The following GNAQ variants were observed in gnomAD, a reference collection of about 807,000 sequenced individuals.
GNAQ encodes guanine nucleotide-binding protein G(q) subunit alpha.
Under a neutral mutation model 43.9 loss-of-function variants are expected in GNAQ, and 8 were observed. The ratio of observed to expected loss-of-function variants is 0.18; its 90% CI spans 0.11 to 0.33. The LOEUF (loss-of-function observed/expected upper bound fraction) is 0.33. GNAQ is among the 10% of genes least tolerant of loss of function. GNAQ has a pLI of 1.00. For missense variants in GNAQ, 158 were observed against 450.8 expected (o/e 0.35, Z 5.88); for synonymous variants, 155 against 170.7 (o/e 0.91, Z 0.71).
At chr9:77,950,254 T>TG in intron 1 of GNAQ, among the ~76,000 whole-genome samples, 1 of 152,338 alleles carries the variant, frequency 6.6e-6, no homozygotes, top group East Asian at 1.9e-4. Context: ...ATCTCCCATT[T>TG]GGGGGAAGTA....
chr9:77,879,042 T>C (rs1828170673), intron 2 of GNAQ, among the ~76,000 whole-genome samples: 1 of 150,942 alleles, frequency 6.6e-6, no homozygotes, highest in Non-Finnish European at 1.5e-5. Flanking sequence ...CAAGACTGTG[T>C]CTCAAAAAAA....
At chr9:77,955,553 A>C (rs1176329022) in intron 1 of GNAQ, among the ~76,000 whole-genome samples, 1 of 152,232 alleles carries the variant, frequency 6.6e-6, no homozygotes, top group Non-Finnish European at 1.5e-5. Context: ...TATGCGAAAC[A>C]AATCTATTAA....
At chr9:77,855,287 A>G (rs1244163050) in intron 2 of GNAQ, among the ~76,000 whole-genome samples, 1 of 152,218 alleles carries the variant, frequency 6.6e-6, no homozygotes, top group East Asian at 1.9e-4. Context: ...GGATATAAAT[A>G]AATTAAAAGA....
chr9:78,012,862 G>A (rs193148842), intron 1 of GNAQ, among the ~76,000 whole-genome samples: 39 of 152,276 alleles, frequency 2.6e-4, no homozygotes, highest in South Asian at 1.0e-3. Context: ...AGGGCTAAGA[G>A]TTTTAGAAAG....
rs1027549067 is a variant in GNAQ, at chr9:77,993,102, G to A, written c.136+37998C>T. On this transcript the variant is annotated intron_variant, in intron 1 of 6. Coordinates refer to ENST00000286548, the MANE Select transcript of GNAQ (RefSeq NM_002072.5). Reference sequence around the variant, plus strand: ...GGTAACCTTATATATAAAACACAGCGCCTTTGTTTTGGATTAGAAACTAAT... The same window carrying A: ...GGTAACCTTATATATAAAACACAGCACCTTTGTTTTGGATTAGAAACTAAT... 1.3e-4 allele frequency among the ~76,000 whole-genome samples: 20 copies of A among 152,114 alleles called. 1 individual carries two copies. In the East Asian group the frequency reaches 2.1e-3, roughly 16 times the overall value.
At chr9:77,905,926 G>A (rs1200634275) in intron 2 of GNAQ, among the ~76,000 whole-genome samples, 1 of 152,152 alleles carries the variant, frequency 6.6e-6, no homozygotes, top group African/African-American at 2.4e-5. Flanking sequence ...ACTGGGAGCT[G>A]TCAGGGGGTG....
chr9:77,772,059 C>G (rs1488542722), intron 5 of GNAQ, among the ~76,000 whole-genome samples: 1 of 152,088 alleles, frequency 6.6e-6, no homozygotes, highest in Non-Finnish European at 1.5e-5. Flanking sequence ...CCATTGACAA[C>G]AGTAGTTTAC....
At chr9:77,780,020 A>T (rs1309435186) in intron 5 of GNAQ, among the ~76,000 whole-genome samples, 1 of 151,974 alleles carries the variant, frequency 6.6e-6, no homozygotes, top group Non-Finnish European at 1.5e-5. Flanking sequence ...TAATAATCAT[A>T]CATATTTATG....
chr9:77,902,128 A>G (rs1159387432), intron 2 of GNAQ, among the ~76,000 whole-genome samples: 1 of 152,242 alleles, frequency 6.6e-6, no homozygotes, highest in Non-Finnish European at 1.5e-5. Context: ...AAATAGGGTT[A>G]CTAATGCCTC....
At chr9:77,827,622 A>T (rs1226842464) in intron 2 of GNAQ, among the ~76,000 whole-genome samples, 1 of 151,952 alleles carries the variant, frequency 6.6e-6, no homozygotes, top group Non-Finnish European at 1.5e-5. Context: ...AGCAAAGATA[A>T]CCTCTTACTA....
At chr9:77,904,252 T>C (rs939347971) in intron 2 of GNAQ, among the ~76,000 whole-genome samples, 23 of 150,180 alleles carry the variant, frequency 1.5e-4, no homozygotes, top group Non-Finnish European at 3.0e-4. Context: ...CTGTGGAAAC[T>C]GTAAATAATC....
chr9:78,026,688 A>T (rs769908135), intron 1 of GNAQ, among the ~76,000 whole-genome samples: 3 of 152,158 alleles, frequency 2.0e-5, no homozygotes, highest in Admixed American at 6.6e-5. Context: ...AACCCTACTG[A>T]GGAGCAGTGG....
At chr9:77,811,067 A>G (rs1230414725) in intron 3 of GNAQ, among the ~76,000 whole-genome samples, 1 of 152,118 alleles carries the variant, frequency 6.6e-6, no homozygotes, top group Non-Finnish European at 1.5e-5. Context: ...CTACACTACA[A>G]CCTTTAAGTA....
chr9:77,764,698 G>A (rs1035020954), intron 5 of GNAQ, among the ~76,000 whole-genome samples: 11 of 152,038 alleles, frequency 7.2e-5, no homozygotes, highest in African/African-American at 2.2e-4. Flanking sequence ...CTCGTGATCC[G>A]CCAGCCTTGG....
At chr9:78,021,417 T>C (rs1823907737) in intron 1 of GNAQ, among the ~76,000 whole-genome samples, 1 of 152,178 alleles carries the variant, frequency 6.6e-6, no homozygotes, top group Non-Finnish European at 1.5e-5. Flanking sequence ...AGGCAAAAAA[T>C]TATAAAAATC....
At chr9:77,891,787 T>G (rs554446222) in intron 2 of GNAQ, among the ~76,000 whole-genome samples, 1 of 152,340 alleles carries the variant, frequency 6.6e-6, no homozygotes, top group East Asian at 1.9e-4. Flanking sequence ...CTGTTCACTC[T>G]TCCAGTGTGA....
At chr9:77,956,756 G>A (rs1319331862) in intron 1 of GNAQ, among the ~76,000 whole-genome samples, 1 of 152,198 alleles carries the variant, frequency 6.6e-6, no homozygotes, top group Non-Finnish European at 1.5e-5. Flanking sequence ...CTCTGCATAT[G>A]CAATATGTAC....
intron 1 of GNAQ, among the ~76,000 whole-genome samples, chr9:77,987,583 CAT>C (rs1345440138): frequency 5.3e-5 from 8 of 152,164 alleles, no homozygotes; most frequent in African/African-American, 1.9e-4. Context: ...CTAATCTATA[CAT>C]GAGTCATTCA....
intron 5 of GNAQ, among the ~76,000 whole-genome samples, chr9:77,778,765 ACAAGTAGCTATACC>A (rs1826343936): frequency 6.6e-6 from 1 of 152,014 alleles, no homozygotes; most frequent in Non-Finnish European, 1.5e-5. Context: ...TAATGAAAAG[ACAAGTAGCTATACC>A]CAAGTAGCTG....
Sources: allele counts gnomAD v4.1 joint callset (sites outside exome capture counted in the v4.1 genomes callset), GRCh38; gene constraint gnomAD v4.1.1; transcripts MANE v1.5; gene names NCBI Gene and HGNC (gene_info 2026-07-23, HGNC 2026-07-21).